The following VPS53 variants were observed in gnomAD, a reference collection of about 807,000 sequenced individuals.
VPS53 encodes vacuolar protein sorting-associated protein 53 homolog.
VPS53 carries 70 observed loss-of-function variants against 107.0 expected under a neutral mutation model. The ratio of observed to expected loss-of-function variants is 0.65; its 90% CI spans 0.54 to 0.80. The LOEUF (loss-of-function observed/expected upper bound fraction) is 0.80, where lower values mean the gene tolerates loss of function less well. Among genes scored for constraint, VPS53 ranks in the 30% least tolerant of loss-of-function variants. The pLI, the probability that VPS53 is intolerant of heterozygous loss-of-function variation, is 0.00. For synonymous variants in VPS53, 409 were observed against 393.3 expected (o/e 1.04, Z -0.47); for missense variants, 917 against 1,049.4 (o/e 0.87, Z 1.74).
chr17:679,767 T>A (rs566511617), intron 4 of VPS53, among the ~76,000 whole-genome samples: 3 of 152,206 alleles, frequency 2.0e-5, no homozygotes, highest in Non-Finnish European at 4.4e-5. Context: ...CAGGGTATAT[T>A]ATCTATAGTC....
At chr17:653,966 C>T (rs561505868) in intron 6 of VPS53, among the ~76,000 whole-genome samples, 1 of 152,274 alleles carries the variant, frequency 6.6e-6, no homozygotes, top group South Asian at 2.1e-4. Context: ...GAGGCCGAGG[C>T]GGGCAGATCA....
chr17:574,800 ACTTTTAAGC>A (rs1162964642), intron 13 of VPS53, among the ~76,000 whole-genome samples: 1 of 152,196 alleles, frequency 6.6e-6, no homozygotes, highest in Non-Finnish European at 1.5e-5. Flanking sequence ...GGACCCAGTA[ACTTTTAAGC>A]CTTTTAAAAC....
rs12950931 is a variant in VPS53, at chr17:602,050, G to A, written c.1117-154C>T. Among the ~76,000 whole-genome samples the A allele has an allele frequency of 0.099, 15,100 of 152,106 alleles. 925 individuals carry two copies. Among genetic ancestry groups the A allele is most frequent in the East Asian group, 0.24 (1,243 of 5,164 alleles). On this transcript the variant is annotated intron_variant, in intron 11 of 21. Coordinates refer to ENST00000437048, the MANE Select transcript of VPS53 (RefSeq NM_001128159.3). ...CAACCCAGACCACATTCTTGCCTCC[G>A]GGCCTTCACAGTGCTTTCCCTCTTC...
chr17:519,114 GC>G lies in VPS53; in HGVS notation c.*13del. 6.7e-7 allele frequency: 1 copy of G among 1,491,532 alleles called. No homozygotes were observed. The highest frequency in any genetic ancestry group is 9.0e-7 in the Non-Finnish European group (1 of 1,116,558). 92.4% of individuals were successfully genotyped at this position (1,491,532 alleles called of 1,614,324 possible). A position where few individuals can be genotyped will look rare whatever the true frequency, so the allele number is the denominator to read the frequency against. On this transcript the variant is annotated 3_prime_UTR_variant, in exon 22 of 22. Transcript: ENST00000437048. The surrounding 1 kb of genome is among the most constrained non-coding windows in gnomAD (Gnocchi z 5.0). ...GAGGGTCTCCAGCCAGGAGCAAAGG[GC>G]CCCTTGCTGCTGCTACAGTCTCTTT...
intron 4 of VPS53, chr17:673,773 C>T (rs1972054773): frequency 6.6e-6 from 1 of 152,198 alleles, no homozygotes; most frequent in African/African-American, 2.4e-5. Flanking sequence ...CTGTAAAGAG[C>T]AAACGGAGTA....
Position 519,258 on chromosome 17 carries a change from A to C in VPS53, c.2369T>G (p.Leu790Arg). The change falls in exon 22 of 22, where the codon CTG (leucine) becomes CGG (arginine). Residue 790 changes from leucine to arginine, a missense_variant. Coordinates refer to ENST00000437048, the MANE Select transcript of VPS53 (RefSeq NM_001128159.3). This position sits in a 1 kb window ranked among gnomAD's most constrained non-coding sequence, Gnocchi z 5.0. ...GGGCGGTGCGGGGAGCCGCTGGCGC[A>C]GGAGTTCCAGCATGCTGCTCTGCTC... is the stretch of plus-strand genomic sequence containing the variant. ...RSEQSSMLELLRQRLPAPPSG... is the reference protein window; with the variant it reads ...RSEQSSMLELRRQRLPAPPSG... The C allele has an allele frequency of 1.3e-6, 2 of 1,538,418 alleles. No individual in the cohort carries two copies. Among genetic ancestry groups the C allele is most frequent in the South Asian group, 1.2e-5 (1 of 82,208 alleles).
chr17:553,559 G>T, intron 15 of VPS53, 97 bp from the exon 16 acceptor site: 1 of 915,024 alleles, frequency 1.1e-6, no homozygotes, highest in Non-Finnish European at 1.6e-6. Context: ...GATGATTCAG[G>T]CATAATTCCA....
chr17:631,537 C>A lies in VPS53; in HGVS notation c.687+13G>T, dbSNP rs962491775. 7.4e-6 allele frequency: 12 copies of A among 1,613,590 alleles called. No individual in the cohort carries two copies. In the East Asian group the frequency reaches 1.1e-4, roughly 15 times the overall value. On this transcript the variant is annotated intron_variant, in intron 8 of 21. Transcript: ENST00000437048. Reference sequence around the variant, plus strand: ...TGATCATCTCTAAAGACTGGGGAAACGCAAAGCAGTACCTTGGTGCCCTGG... The same window carrying A: ...TGATCATCTCTAAAGACTGGGGAAAAGCAAAGCAGTACCTTGGTGCCCTGG...
In VPS53 at chr17:510,611, T is replaced by C; in HGVS notation, c.*8517A>G. 1 of 153,762 alleles carries C rather than the reference T, an allele frequency of 6.5e-6. No homozygotes were observed. The allele number at this position is 153,762 out of a possible 1,614,324, so 9.5% of individuals were successfully genotyped here. A position where few individuals can be genotyped will look rare whatever the true frequency, so the allele number is the denominator to read the frequency against. ...CCAAGTCCCGTCCACTAAACGGAGC[T>C]TAACTTAGCAGGAATTTCATCCGAT... On this transcript the variant is annotated 3_prime_UTR_variant, in exon 22 of 22. Transcript: ENST00000437048.
chr17:658,220 G>A (rs149175831), intron 5 of VPS53, among the ~76,000 whole-genome samples: 5,452 of 51,558 alleles, frequency 0.11, 332 homozygotes, highest in Non-Finnish European at 0.16. Flanking sequence ...ACATCCCATT[G>A]AAGTGAGACA....
At chr17:610,478 T>C (rs1968809274) in intron 11 of VPS53, among the ~76,000 whole-genome samples, 1 of 152,124 alleles carries the variant, frequency 6.6e-6, no homozygotes, top group Non-Finnish European at 1.5e-5. Context: ...TAACAGTTTC[T>C]TGGATATGAC....
At chr17:639,872 G>C (rs1970353826) in intron 7 of VPS53, among the ~76,000 whole-genome samples, 1 of 152,240 alleles carries the variant, frequency 6.6e-6, no homozygotes, top group Non-Finnish European at 1.5e-5. Context: ...GAGGCAGTCT[G>C]TCCATTCTTA....
intron 19 of VPS53, among the ~76,000 whole-genome samples, chr17:528,845 TGCCTCA>T (rs780856550): frequency 4.6e-5 from 7 of 152,166 alleles, no homozygotes; most frequent in Non-Finnish European, 7.4e-5. Flanking sequence ...GTGATCTGCC[TGCCTCA>T]GCCTCCCAAA....
intron 15 of VPS53, among the ~76,000 whole-genome samples, chr17:555,369 A>G (rs981622426): frequency 6.6e-6 from 1 of 152,110 alleles, no homozygotes; most frequent in Non-Finnish European, 1.5e-5. Context: ...CCACTTTCTA[A>G]GCCCTCCAGG....
chr17:517,598 C>G lies in VPS53; in HGVS notation c.*1530G>C. Reference sequence around the variant, plus strand: ...GCAGTGGTGAAATCTTGGCTCACTGCAGCCTCCACCTCCCGGGTTTAAGTG... The same window carrying G: ...GCAGTGGTGAAATCTTGGCTCACTGGAGCCTCCACCTCCCGGGTTTAAGTG... On this transcript the variant is annotated 3_prime_UTR_variant, in exon 22 of 22. Coordinates refer to ENST00000437048, the MANE Select transcript of VPS53 (RefSeq NM_001128159.3). 2.6e-6 allele frequency: 1 copy of G among 390,432 alleles called. No homozygotes were observed. The highest frequency in any genetic ancestry group is 4.5e-6 in the Non-Finnish European group (1 of 221,196). The allele number at this position is 390,432 out of a possible 1,614,324, so 24.2% of individuals were successfully genotyped here.
rs368474138 is a variant in VPS53 at position 520,581 on chromosome 17, C to T, written c.2224-651G>A. 5.9e-5 allele frequency among the ~76,000 whole-genome samples: 9 copies of T among 152,268 alleles called. No individual in the cohort carries two copies. Among genetic ancestry groups the T allele is most frequent in the East Asian group, 1.9e-4 (1 of 5,190 alleles). On this transcript the variant is annotated intron_variant, in intron 20 of 21. Coordinates refer to ENST00000437048, the MANE Select transcript of VPS53 (RefSeq NM_001128159.3). The surrounding 1 kb of genome is among the most constrained non-coding windows in gnomAD (Gnocchi z 4.4). The stretch of plus-strand genomic sequence containing the variant: ...CGGCACTGCAACCCTTATTCATTTC[C>T]GTTTTGTTCTGGAATGCAGTATCTG...
intron 19 of VPS53, among the ~76,000 whole-genome samples, chr17:527,902 G>A (rs921680213): frequency 1.3e-5 from 2 of 152,266 alleles, no homozygotes; most frequent in East Asian, 3.9e-4. Flanking sequence ...ACAAGCCATC[G>A]CACTTGGCCA....
At chr17:528,290 C>T (rs1909269868) in intron 19 of VPS53, among the ~76,000 whole-genome samples, 1 of 152,128 alleles carries the variant, frequency 6.6e-6, no homozygotes, top group Non-Finnish European at 1.5e-5. Context: ...AACCATTAAT[C>T]CACTTTCTGT....
At chr17:529,317 T>C (rs1396151596) in intron 19 of VPS53, among the ~76,000 whole-genome samples, 2 of 152,164 alleles carry the variant, frequency 1.3e-5, no homozygotes, top group Admixed American at 6.6e-5. Context: ...CCTCCAATTC[T>C]GTTCTAAGAT....
Sources: gnomAD v4.1 joint callset for allele counts (sites outside exome capture counted in the v4.1 genomes callset) on GRCh38, gnomAD v4.1.1 for gene constraint, Gnocchi (gnomAD v3.1) non-coding constraint, MANE v1.5 for transcripts, NCBI Gene and HGNC (gene_info 2026-07-23, HGNC 2026-07-21) for gene names.